The following SYT9 variants were observed in gnomAD, a reference collection of about 807,000 sequenced individuals.
The protein encoded by SYT9 is synaptotagmin-9.
SYT9 carries 22 observed loss-of-function variants against 48.4 expected under a neutral mutation model. The observed-to-expected ratio is 0.45, with a 90% CI of 0.32 to 0.65. SYT9 has a LOEUF of 0.65. SYT9 is among the 30% of genes least tolerant of loss of function. The probability of loss-of-function intolerance (pLI) is 0.03; values close to 1 mark genes in which losing one functional copy is unlikely to be tolerated. For missense variants in SYT9, 577 were observed against 622.0 expected (o/e 0.93, Z 0.77); for synonymous variants, 265 against 245.0 (o/e 1.08, Z -0.76).
intron 3 of SYT9, among the ~76,000 whole-genome samples, chr11:7,328,445 G>A (rs1849473775): frequency 6.6e-6 from 1 of 151,884 alleles, no homozygotes; most frequent in South Asian, 2.1e-4. Flanking sequence ...TACTTTCCTA[G>A]AAATTACAAT....
chr11:7,373,096 G>A (rs1014198466), intron 3 of SYT9, among the ~76,000 whole-genome samples: 8 of 151,918 alleles, frequency 5.3e-5, no homozygotes, highest in African/African-American at 9.7e-5. Flanking sequence ...CTACTTGGCC[G>A]ACGTGTATTC....
intron 3 of SYT9, among the ~76,000 whole-genome samples, chr11:7,329,584 A>G (rs1849492860): frequency 6.6e-6 from 1 of 152,210 alleles, no homozygotes; most frequent in Non-Finnish European, 1.5e-5. Context: ...TTCATCTGGA[A>G]AAAGAAAGCA....
At chr11:7,331,018 C>T (rs893761667) in intron 3 of SYT9, among the ~76,000 whole-genome samples, 15 of 151,750 alleles carry the variant, frequency 9.9e-5, no homozygotes, top group African/African-American at 2.4e-4. Flanking sequence ...AGGCTGGTCT[C>T]GAACTCCTGA....
rs1564879657 is a variant in SYT9 at position 7,369,794 on chromosome 11, A to AAACACACACACACACAC, written c.1045-46247_1045-46246insACACACACACACACACA. On this transcript the variant is annotated intron_variant, in intron 3 of 6. Transcript: ENST00000318881. ...CATACACACCACACACACACACACAAACACACACACACACACACACACACA... is the reference window on the plus strand; with the variant it reads ...CATACACACCACACACACACACACAAAACACACACACACACACACACACACACACACACACACACACA... 1.0e-3 allele frequency among the ~76,000 whole-genome samples: 148 copies of AAACACACACACACACAC among 143,954 alleles called. 2 individuals carry two copies. Among genetic ancestry groups the AAACACACACACACACAC allele is most frequent in the African/African-American group, 3.1e-4 (12 of 38,874 alleles). The allele number at this position is 143,954 out of a possible 152,430, so 94.4% of individuals were successfully genotyped here.
chr11:7,245,427 T>TTTTTTG (rs929292139), intron 1 of SYT9, among the ~76,000 whole-genome samples: 13 of 152,058 alleles, frequency 8.5e-5, no homozygotes, highest in African/African-American at 2.2e-4. Context: ...TCTCTCTTTT[T>TTTTTTG]TTTTTGTTTT....
At chr11:7,355,752 T>G (rs1347803059) in intron 3 of SYT9, among the ~76,000 whole-genome samples, 2 of 152,208 alleles carry the variant, frequency 1.3e-5, no homozygotes, top group Non-Finnish European at 2.9e-5. Context: ...AGAAAGGAAG[T>G]CTTATCAAGG....
At chr11:7,396,636 A>G (rs1441216909) in intron 3 of SYT9, among the ~76,000 whole-genome samples, 1 of 152,138 alleles carries the variant, frequency 6.6e-6, no homozygotes, top group African/African-American at 2.4e-5. Context: ...GTCATTTGAC[A>G]AGAGAATGTG....
intron 3 of SYT9, among the ~76,000 whole-genome samples, chr11:7,406,352 C>T (rs1361686808): frequency 6.6e-6 from 1 of 152,042 alleles, no homozygotes; most frequent in African/African-American, 2.4e-5. Context: ...CCTCTGGTAT[C>T]TACTATTCTA....
intron 3 of SYT9, among the ~76,000 whole-genome samples, chr11:7,335,748 T>A (rs1292606147): frequency 1.3e-5 from 2 of 152,184 alleles, no homozygotes; most frequent in African/African-American, 4.8e-5. Context: ...CAATCTGCCG[T>A]TGATGGGCAT....
chr11:7,330,617 A>T (rs1849511096), intron 3 of SYT9, among the ~76,000 whole-genome samples: 2 of 152,224 alleles, frequency 1.3e-5, no homozygotes. Flanking sequence ...GATAAGAATA[A>T]TCAATAGAGC....
intron 3 of SYT9, among the ~76,000 whole-genome samples, chr11:7,411,004 G>A (rs527570270): frequency 1.2e-4 from 19 of 152,222 alleles, no homozygotes; most frequent in African/African-American, 3.4e-4. Flanking sequence ...ACAGGCACCT[G>A]GCACCACGCC....
chr11:7,459,990 A>T (rs1414350420), intron 6 of SYT9, among the ~76,000 whole-genome samples: 1 of 152,190 alleles, frequency 6.6e-6, no homozygotes, highest in Non-Finnish European at 1.5e-5. Flanking sequence ...CCAGTTTGTG[A>T]TACGTCATTA....
intron 1 of SYT9, among the ~76,000 whole-genome samples, chr11:7,300,864 G>T (rs1461106468): frequency 6.6e-6 from 1 of 152,096 alleles, no homozygotes; most frequent in Admixed American, 6.6e-5. Context: ...GGACTCCGGG[G>T]TCAATCCATG....
intron 1 of SYT9, among the ~76,000 whole-genome samples, chr11:7,260,925 G>T (rs1271141318): frequency 6.6e-6 from 1 of 152,146 alleles, no homozygotes; most frequent in Non-Finnish European, 1.5e-5. Context: ...TAATGAAAAA[G>T]CAGTGTGTTC....
Position 7,468,535 on chromosome 11 carries a change from A to G in SYT9, c.*1735A>G, listed in dbSNP as rs921770380. 2.6e-6 allele frequency: 1 copy of G among 388,398 alleles called. No individual in the cohort carries two copies. The highest frequency in any genetic ancestry group is 4.5e-6 in the Non-Finnish European group (1 of 219,900). 24.1% of individuals were successfully genotyped at this position (388,398 alleles called of 1,614,324 possible). ...TCATTCAGACATCCTCCACCATACC[A>G]GTGTTTAGAAGCAAAACATGAAGGG... is the stretch of plus-strand genomic sequence containing the variant. On this transcript the variant is annotated 3_prime_UTR_variant, in exon 7 of 7. Coordinates refer to ENST00000318881, the MANE Select transcript of SYT9 (RefSeq NM_175733.4).
intron 3 of SYT9, among the ~76,000 whole-genome samples, chr11:7,402,239 A>T (rs1275318901): frequency 6.6e-6 from 1 of 152,060 alleles, no homozygotes; most frequent in Admixed American, 6.6e-5. Flanking sequence ...AGGGCCAAGA[A>T]TATGGTTTAT....
chr11:7,343,786 A>G lies in SYT9; in HGVS notation c.1044+29845A>G, dbSNP rs900329106. Among the ~76,000 whole-genome samples, 11 of 152,316 alleles carry G rather than the reference A, an allele frequency of 7.2e-5. No individual in the cohort carries two copies. The East Asian group carries it at 1.5e-3, about 21-fold the overall frequency. ...AGACATATCCAAGACTGGGTAATTC[A>G]TAAAGAAAAAGAGGTTTAATGGACT... On this transcript the variant is annotated intron_variant, in intron 3 of 6. Transcript: ENST00000318881.
chr11:7,383,496 A>G (rs547851544), intron 3 of SYT9, among the ~76,000 whole-genome samples: 9 of 152,298 alleles, frequency 5.9e-5, no homozygotes, highest in South Asian at 2.1e-4. Flanking sequence ...TTGCACATCA[A>G]TTCATTAGTG....
intron 6 of SYT9, among the ~76,000 whole-genome samples, chr11:7,434,648 C>G (rs11041380): frequency 0.63 from 95,187 of 151,896 alleles, 30,463 homozygotes; most frequent in African/African-American, 0.75. Context: ...GGGCAGCCAG[C>G]GGAGCAGTTC....
Sources: allele counts gnomAD v4.1 joint callset (sites outside exome capture counted in the v4.1 genomes callset), GRCh38; gene constraint gnomAD v4.1.1; transcripts MANE v1.5; gene names NCBI Gene and HGNC (gene_info 2026-07-23, HGNC 2026-07-21).